The following DCC variants were observed in gnomAD, a reference collection of about 807,000 sequenced individuals.
DCC encodes the protein netrin receptor DCC.
A neutral mutation model predicts 172.5 loss-of-function variants in DCC; 58 were observed. The ratio of observed to expected loss-of-function variants is 0.34; its 90% confidence interval spans 0.27 to 0.42. The LOEUF (loss-of-function observed/expected upper bound fraction) is 0.42. DCC is among the 10% of genes least tolerant of loss of function. DCC has a pLI of 1.00. For missense variants in DCC, 1,740 were observed against 1,791.0 expected (o/e 0.97, Z 0.51); for synonymous variants, 709 against 644.5 (o/e 1.10, Z -1.52).
chr18:53,217,424 C>G (rs998526058), intron 12 of DCC, among the ~76,000 whole-genome samples: 2 of 152,000 alleles, frequency 1.3e-5, no homozygotes, highest in African/African-American at 4.8e-5. Flanking sequence ...TAGTTGATAT[C>G]TGGAACATTG....
chr18:53,418,965 C>G (rs556346347), intron 21 of DCC, among the ~76,000 whole-genome samples: 2 of 152,196 alleles, frequency 1.3e-5, no homozygotes, highest in Admixed American at 1.3e-4. Flanking sequence ...ATCACCCTAT[C>G]TCTTGCTCCA....
intron 12 of DCC, among the ~76,000 whole-genome samples, chr18:53,297,834 A>G (rs1039060732): frequency 1.3e-5 from 2 of 152,232 alleles, no homozygotes; most frequent in African/African-American, 4.8e-5. Flanking sequence ...ACCTAAGAAG[A>G]AAGAATCTTT....
At chr18:53,023,516 C>A (rs1306214239) in intron 5 of DCC, among the ~76,000 whole-genome samples, 1 of 150,728 alleles carries the variant, frequency 6.6e-6, no homozygotes, top group Admixed American at 6.7e-5. Context: ...GTGTACCAAA[C>A]CCCAGCACCA....
chr18:53,159,645 A>G (rs941562857), intron 8 of DCC, among the ~76,000 whole-genome samples: 4 of 152,160 alleles, frequency 2.6e-5, no homozygotes, highest in Non-Finnish European at 5.9e-5. Flanking sequence ...TCTAGCCCCA[A>G]TCTATCTGTA....
At chr18:52,831,084 A>G (rs2038606194) in intron 2 of DCC, among the ~76,000 whole-genome samples, 1 of 152,168 alleles carries the variant, frequency 6.6e-6, no homozygotes, top group Non-Finnish European at 1.5e-5. Flanking sequence ...AGGAGGTCAG[A>G]AAGTTATCCA....
rs140595450 is a variant in DCC at position 53,476,002 on chromosome 18, T to C, written c.3736+7992T>C. Among the ~76,000 whole-genome samples, 1,168 of 152,308 alleles carry C rather than the reference T, an allele frequency of 7.7e-3. 15 individuals are homozygous for C. The highest frequency in any genetic ancestry group is 0.027 in the African/African-American group (1,123 of 41,568). ...TGAGACATGGAATCAGAGGAGATCA[T>C]TTTGGAGCTTTAAGATTTGACTGCC... On this transcript the variant is annotated intron_variant, in intron 25 of 28. Transcript: ENST00000442544.
At chr18:53,350,386 A>G (rs2057777288) in intron 15 of DCC, among the ~76,000 whole-genome samples, 1 of 152,182 alleles carries the variant, frequency 6.6e-6, no homozygotes, top group African/African-American at 2.4e-5. Context: ...CATAAATAAC[A>G]TAGGTTATTT....
intron 12 of DCC, among the ~76,000 whole-genome samples, chr18:53,226,934 G>GTATATATATATATA (rs1555734406): frequency 0.018 from 1,181 of 66,936 alleles, 32 homozygotes; most frequent in Non-Finnish European, 0.026. Context: ...GTGTGTGTGT[G>GTATATATATATATA]TATATATATA....
intron 2 of DCC, among the ~76,000 whole-genome samples, chr18:52,897,766 GCAATGTC>G (rs1478702836): frequency 6.6e-6 from 1 of 152,116 alleles, no homozygotes; most frequent in Non-Finnish European, 1.5e-5. Context: ...GACTTCCTTT[GCAATGTC>G]CACCATAGAG....
intron 1 of DCC, among the ~76,000 whole-genome samples, chr18:52,676,978 TC>T (rs1466783323): frequency 6.6e-6 from 1 of 152,136 alleles, no homozygotes. Context: ...TTGTTTTTTT[TC>T]CCCCAAACTA....
intron 1 of DCC, among the ~76,000 whole-genome samples, chr18:52,685,168 G>A (rs1014815877): frequency 1.3e-5 from 2 of 152,098 alleles, no homozygotes; most frequent in Admixed American, 6.6e-5. Flanking sequence ...AAACTATGCA[G>A]GTAGCATTAA....
chr18:53,515,773 C>A (rs2046326260), intron 27 of DCC, among the ~76,000 whole-genome samples: 1 of 151,774 alleles, frequency 6.6e-6, no homozygotes, highest in South Asian at 2.1e-4. Flanking sequence ...AGGAGAACTA[C>A]AAATCACTGC....
chr18:53,283,412 C>T, intron 12 of DCC, among the ~76,000 whole-genome samples: 1 of 151,972 alleles, frequency 6.6e-6, no homozygotes, highest in East Asian at 1.9e-4. Context: ...AATTTTCAGG[C>T]TCAGAGTCTT....
chr18:53,218,300 T>C (rs2055883343), intron 12 of DCC, among the ~76,000 whole-genome samples: 1 of 152,140 alleles, frequency 6.6e-6, no homozygotes, highest in African/African-American at 2.4e-5. Context: ...ACTAACATTT[T>C]TGCAGAAAGA....
In DCC at chr18:52,687,582, G is replaced by A. The variant is rs141604077; in HGVS notation, c.92-64472G>A. ...AAGTGTAGCTAACTATTTTTAAAGT[G>A]TGTAGATACTTTTGCAAATAAATGT... On this transcript the variant is annotated intron_variant, in intron 1 of 28. Coordinates refer to ENST00000442544, the MANE Select transcript of DCC (RefSeq NM_005215.4). Among the ~76,000 whole-genome samples, 427 of 152,176 alleles carry A rather than the reference G, an allele frequency of 2.8e-3. 3 individuals are homozygous for A. The highest frequency in any genetic ancestry group is 9.7e-3 in the African/African-American group (402 of 41,534).
intron 5 of DCC, among the ~76,000 whole-genome samples, chr18:53,055,656 C>T (rs1314491197): frequency 6.6e-6 from 1 of 152,070 alleles, no homozygotes; most frequent in Non-Finnish European, 1.5e-5. Context: ...GAGAGACACT[C>T]GTATGGAGAA....
intron 2 of DCC, among the ~76,000 whole-genome samples, chr18:52,841,394 G>C (rs2038803798): frequency 6.6e-6 from 1 of 152,090 alleles, no homozygotes; most frequent in Non-Finnish European, 1.5e-5. Context: ...CATTGACCTT[G>C]AACTTGCAGC....
At chr18:53,398,920 T>G (rs1180336558) in intron 18 of DCC, among the ~76,000 whole-genome samples, 1 of 152,184 alleles carries the variant, frequency 6.6e-6, no homozygotes, top group African/African-American at 2.4e-5. Context: ...TGCAGGTTTA[T>G]AACTGTGAGA....
intron 2 of DCC, among the ~76,000 whole-genome samples, chr18:52,900,907 G>T (rs2039800086): frequency 6.6e-6 from 1 of 152,124 alleles, no homozygotes; most frequent in Non-Finnish European, 1.5e-5. Flanking sequence ...TTGTTTGTCT[G>T]CTATTTTTAA....
Sources: allele counts gnomAD v4.1 joint callset (sites outside exome capture counted in the v4.1 genomes callset), GRCh38; gene constraint gnomAD v4.1.1; transcripts MANE v1.5; gene names NCBI Gene and HGNC (gene_info 2026-07-23, HGNC 2026-07-21).